Variants in PSG6 observed in about 807,000 individuals in gnomAD.
PSG6 encodes pregnancy-specific beta-1-glycoprotein 6.
A neutral mutation model predicts 43.3 loss-of-function variants in PSG6; 51 were observed. The ratio of observed to expected loss-of-function variants is 1.18; its 90% CI spans 0.94 to 1.49. PSG6 has a LOEUF of 1.49. Ranked by LOEUF, PSG6 falls within the 40% of genes most tolerant of loss-of-function variation. The pLI, the probability that PSG6 is intolerant of heterozygous loss-of-function variation, is 0.00. For synonymous variants in PSG6, 292 were observed against 197.6 expected, an observed-to-expected ratio of 1.48 and a Z score of -4.01; for missense variants, 770 against 522.2, an observed-to-expected ratio of 1.47 and a Z score of -4.62.
At chr19:42,910,398 C>A (rs1568444513) in intron 3 of PSG6, 182 bp downstream of exon 3, 1 of 1,488,378 alleles carries the variant, frequency 6.7e-7, no homozygotes, top group African/African-American at 1.4e-5. Context: ...AGCCTCTTCT[C>A]TCTTATTGTT....
chr19:42,915,648 G>A (rs1972310924), intron 2 of PSG6: 1 of 188,788 alleles, frequency 5.3e-6, no homozygotes, highest in Admixed American at 5.3e-5. Flanking sequence ...CTTGGTCCCA[G>A]TAAGCCCTGC....
chr19:42,915,331 A>G (rs768100022), intron 2 of PSG6: 1 of 151,910 alleles, frequency 6.6e-6, no homozygotes, highest in Non-Finnish European at 1.5e-5. Flanking sequence ...AGGTGTTCAC[A>G]CAAACAGCAT....
intron 5 of PSG6, among the ~76,000 whole-genome samples, chr19:42,904,844 GA>G (rs1297104721): frequency 6.6e-6 from 1 of 151,658 alleles, no homozygotes; most frequent in Non-Finnish European, 1.5e-5. Flanking sequence ...CTTTGAAGAG[GA>G]AGAATGAAGC....
Position 42,903,742 on chromosome 19 carries a change from A to C in PSG6, c.1241-1296T>G, listed in dbSNP as rs769795499. On this transcript the variant is annotated intron_variant, in intron 5 of 5. Transcript: ENST00000187910. ...TGTCTCTACAAAAAAAAAAAAAACCAATTAGCTGGGCATGTTGACATGCAC... is the reference window on the plus strand; with the variant it reads ...TGTCTCTACAAAAAAAAAAAAAACCCATTAGCTGGGCATGTTGACATGCAC... 7 of 1,515,532 alleles carry C rather than the reference A, an allele frequency of 4.6e-6. 1 individual carries two copies. Among genetic ancestry groups the C allele is most frequent in the African/African-American group, 1.4e-5 (1 of 69,950 alleles). 93.9% of individuals were successfully genotyped at this position (1,515,532 alleles called of 1,614,324 possible).
intron 5 of PSG6, among the ~76,000 whole-genome samples, chr19:42,902,942 T>C (rs1423039538): frequency 3.3e-5 from 5 of 151,642 alleles, no homozygotes; most frequent in Non-Finnish European, 7.4e-5. Context: ...ACTGTTGAGG[T>C]GCACTTTCTA....
intron 2 of PSG6, among the ~76,000 whole-genome samples, chr19:42,913,905 T>C (rs1398428631): frequency 1.3e-5 from 2 of 151,636 alleles, no homozygotes; most frequent in Non-Finnish European, 2.9e-5. Flanking sequence ...AAACTATCCT[T>C]GAAAATCTCT....
At chr19:42,906,670 A>G (rs547172661) in intron 5 of PSG6, 2 of 1,423,668 alleles carry the variant, frequency 1.4e-6, no homozygotes, top group Non-Finnish European at 1.9e-6. Context: ...CTTCTACCAC[A>G]TAGGGCTCAG....
rs1161377188 is a variant in PSG6, at chr19:42,907,583, A to G, written c.978T>C (p.Asn326=). 6.2e-7 allele frequency: 1 copy of G among 1,611,936 alleles called. No homozygotes were observed. The highest frequency in any genetic ancestry group is 8.5e-7 in the Non-Finnish European group (1 of 1,179,070). Residue 326 remains asparagine (N), a synonymous_variant, in exon 4 of 6, where the codon AAT becomes AAC. Transcript: ENST00000187910. ...GGAACAAAGGATACTCACAGAGGAC[A>G]TTCAGGGTGACTGGGTTACTGCGGA... ...GGIRSNPVTL[N]VLYGPDLPRI...
At chr19:42,903,808 G>A (rs10424257) in intron 5 of PSG6, 399,246 of 1,424,138 alleles carry the variant, frequency 0.28, 63,061 homozygotes, top group South Asian at 0.45. Context: ...AAGGAGAATT[G>A]CTTGAGCCCA....
intron 1 of PSG6, 136 bp downstream of exon 1, chr19:42,917,593 G>A (rs922841284): frequency 2.2e-6 from 3 of 1,349,984 alleles, no homozygotes; most frequent in Non-Finnish European, 3.0e-6. Context: ...TTGAACTCCT[G>A]ATCTCGTGAT....
rs1225039312 is a variant in PSG6, at chr19:42,910,874, A to G, written c.428-16T>C. On this transcript the variant is annotated splice_polypyrimidine_tract_variant and intron_variant, in intron 2 of 5. Coordinates refer to ENST00000187910, the MANE Select transcript of PSG6 (RefSeq NM_001031850.4). ...GGAGTCTCCGCTGTGCAGAAAACAG[A>G]GAGAAGATTGCCCTGTGTGGCACCT... The G allele has an allele frequency of 1.3e-5, 21 of 1,595,112 alleles. No homozygotes were observed. The highest frequency in any genetic ancestry group is 2.7e-5 in the African/African-American group (2 of 74,124).
intron 2 of PSG6, among the ~76,000 whole-genome samples, chr19:42,913,110 T>C (rs1972259151): frequency 6.6e-6 from 1 of 151,672 alleles, no homozygotes; most frequent in Non-Finnish European, 1.5e-5. Context: ...TTTCCTCAGC[T>C]CTGTGCGGTC....
chr19:42,905,198 G>C lies in PSG6; in HGVS notation c.1240+1724C>G, dbSNP rs543729228. Among the ~76,000 whole-genome samples the C allele has an allele frequency of 6.2e-4, 94 of 151,820 alleles. 3 individuals carry two copies. The highest frequency in any genetic ancestry group is 9.6e-4 in the Non-Finnish European group (65 of 67,908). The stretch of plus-strand genomic sequence containing the variant: ...CTCTTAGAAGAAAAACTTCATGATA[G>C]TGGATTTCACAATGATTTCTTGGTT... On this transcript the variant is annotated intron_variant, in intron 5 of 5. Transcript: ENST00000187910.
At chr19:42,910,544 G>T in intron 3 of PSG6, 36 bp downstream of exon 3, 2 of 1,612,542 alleles carry the variant, frequency 1.2e-6, no homozygotes, top group Non-Finnish European at 1.7e-6. Flanking sequence ...TATTTGGGAT[G>T]GCAGCCTGGC....
intron 3 of PSG6, chr19:42,910,285 A>C (rs1215474904): frequency 4.4e-6 from 3 of 685,172 alleles, no homozygotes; most frequent in East Asian, 6.4e-5. Flanking sequence ...GCAACACTGA[A>C]GTCCCAGCCA....
chr19:42,902,374 A>G lies in PSG6; in HGVS notation c.*38T>C, dbSNP rs751246724. 15 of 1,606,320 alleles carry G rather than the reference A, an allele frequency of 9.3e-6. 1 individual carries two copies. Among genetic ancestry groups the G allele is most frequent in the South Asian group, 2.2e-5 (2 of 89,924 alleles). On this transcript the variant is annotated 3_prime_UTR_variant, in exon 6 of 6. Transcript: ENST00000187910. Reference sequence around the variant, plus strand: ...TGTCTTGAATTTCATGAAGGTATCAACCTGTTCTTTTTCTCAGTGTCTCTA... The same window carrying G: ...TGTCTTGAATTTCATGAAGGTATCAGCCTGTTCTTTTTCTCAGTGTCTCTA...
Position 42,910,629 on chromosome 19 carries a change from C to T in PSG6, c.657G>A (p.Arg219=), listed in dbSNP as rs148400856. ...YIAGPYECEI[R]NPVSASRSDP... ...CACTGCGGCTGGCACTCACTGGGTT[C>T]CGTATTTCACATTCATAGGGTCCTG... Residue 219 remains arginine (R), a synonymous_variant, in exon 3 of 6, where the codon CGG becomes CGA. Coordinates refer to ENST00000187910, the MANE Select transcript of PSG6 (RefSeq NM_001031850.4). 252 of 1,612,432 alleles carry T rather than the reference C, an allele frequency of 1.6e-4. 4 individuals carry two copies. The African/African-American group carries it at 3.2e-3, about 21-fold the overall frequency.
rs1458489470 is a variant in PSG6, at chr19:42,910,603, T to C, written c.683A>G (p.Asp228Gly). ...ACGGAGGAGATTCAGGGTGACTGGGTCACTGCGGCTGGCACTCACTGGGTT... is the reference window on the plus strand; with the variant it reads ...ACGGAGGAGATTCAGGGTGACTGGGCCACTGCGGCTGGCACTCACTGGGTT... ...IRNPVSASRS[D>G]PVTLNLLPKL... Residue 228 changes from aspartate (D) to glycine (G), a missense_variant, in exon 3 of 6, where the codon GAC becomes GGC. Physicochemically the swap from Asp to Gly is moderately conservative, Grantham distance 94. Coordinates refer to ENST00000187910, the MANE Select transcript of PSG6 (RefSeq NM_001031850.4). 1.2e-6 allele frequency: 2 copies of C among 1,612,376 alleles called. No homozygotes were observed. Among genetic ancestry groups the C allele is most frequent in the South Asian group, 2.2e-5 (2 of 90,632 alleles).
At position 42,907,560 on chromosome 19, in the gene PSG6, A is replaced by T. The variant is rs758111461; in HGVS notation, c.985+16T>A. 1 of 1,611,416 alleles carries T rather than the reference A, an allele frequency of 6.2e-7. No individual in the cohort carries two copies. Among genetic ancestry groups the T allele is most frequent in the Non-Finnish European group, 8.5e-7 (1 of 1,178,740 alleles). On this transcript the variant is annotated intron_variant, in intron 4 of 5. Transcript: ENST00000187910. The stretch of plus-strand genomic sequence containing the variant: ...AAGCTGGTGTCCTGGCCCACAGAGG[A>T]ACAAAGGATACTCACAGAGGACATT...
Sources: allele counts gnomAD v4.1 joint callset (sites outside exome capture counted in the v4.1 genomes callset), GRCh38; gene constraint gnomAD v4.1.1; transcripts MANE v1.5; gene names NCBI Gene and HGNC (gene_info 2026-07-23, HGNC 2026-07-21).